The following IQCH variants were observed in gnomAD, a reference collection of about 807,000 sequenced individuals.
IQCH encodes the protein IQ motif containing H, also known as IQ domain-containing protein H.
In IQCH, 98 loss-of-function variants were observed where a neutral mutation model predicts 117.0. The observed-to-expected ratio is 0.84, with a 90% CI of 0.71 to 0.99. The LOEUF (loss-of-function observed/expected upper bound fraction) is 0.99, where lower values mean the gene tolerates loss of function less well. Among genes scored for constraint, IQCH ranks in the 50% least tolerant of loss-of-function variants. The pLI is 0.00. For missense variants in IQCH, 1,102 were observed against 1,243.8 expected (o/e 0.89, Z 1.72); for synonymous variants, 412 against 448.2 (o/e 0.92, Z 1.02).
intron 18 of IQCH, among the ~76,000 whole-genome samples, chr15:67,478,663 T>A (rs553574555): frequency 6.6e-6 from 1 of 152,050 alleles, no homozygotes; most frequent in South Asian, 2.1e-4. Context: ...CGGTGGCTCA[T>A]GCCTGTAATC....
At chr15:67,321,149 T>G (rs889897313) in intron 4 of IQCH, among the ~76,000 whole-genome samples, 1 of 152,144 alleles carries the variant, frequency 6.6e-6, no homozygotes, top group African/African-American at 2.4e-5. Context: ...TAAGTTACTG[T>G]TTTTTGTGGG....
In IQCH at chr15:67,391,735, A is replaced by T. The variant is rs2140846457; in HGVS notation, c.1632+2729A>T. Reference sequence around the variant, plus strand: ...GGTCATACAAGACCTGTGATTAGTGATACATCCTTTGCCATCACTTATTCA... The same window carrying T: ...GGTCATACAAGACCTGTGATTAGTGTTACATCCTTTGCCATCACTTATTCA... On this transcript the variant is annotated intron_variant, in intron 12 of 20. Coordinates refer to ENST00000335894, the MANE Select transcript of IQCH (RefSeq NM_001031715.3). This position sits in a 1 kb window ranked among gnomAD's most constrained non-coding sequence, Gnocchi z 4.3. 6.6e-6 allele frequency among the ~76,000 whole-genome samples: 1 copy of T among 152,346 alleles called. No individual in the cohort carries two copies.
At chr15:67,277,065 G>C (rs1442542355) in intron 3 of IQCH, among the ~76,000 whole-genome samples, 1 of 152,008 alleles carries the variant, frequency 6.6e-6, no homozygotes, top group Non-Finnish European at 1.5e-5. Flanking sequence ...CACTGATTTT[G>C]TTTCATTGGC....
chr15:67,449,703 T>A (rs1257714150), intron 16 of IQCH, among the ~76,000 whole-genome samples: 1 of 152,210 alleles, frequency 6.6e-6, no homozygotes, highest in East Asian at 1.9e-4. Context: ...GACTTGGCCA[T>A]GTGGGCTCTT....
intron 8 of IQCH, among the ~76,000 whole-genome samples, chr15:67,367,676 G>T (rs1291808263): frequency 1.3e-5 from 2 of 152,182 alleles, no homozygotes; most frequent in East Asian, 3.9e-4. Flanking sequence ...CATATGGAGA[G>T]TTCTAGACAG....
chr15:67,325,317 T>C (rs1247036371), intron 4 of IQCH, among the ~76,000 whole-genome samples: 1 of 152,170 alleles, frequency 6.6e-6, no homozygotes, highest in East Asian at 1.9e-4. Flanking sequence ...TTTAGTATTA[T>C]TATTTTTTAA....
intron 7 of IQCH, among the ~76,000 whole-genome samples, chr15:67,358,929 C>CA (rs1381469581): frequency 1.3e-5 from 2 of 152,226 alleles, no homozygotes; most frequent in Non-Finnish European, 2.9e-5. Context: ...TGTCATGTGA[C>CA]ACCCCAGTTG....
At chr15:67,398,753 A>C (rs1971546923) in intron 13 of IQCH, among the ~76,000 whole-genome samples, 1 of 152,164 alleles carries the variant, frequency 6.6e-6, no homozygotes, top group South Asian at 2.1e-4. Context: ...ATTGTGGGCA[A>C]AGAGATCTGA....
chr15:67,298,404 A>G (rs1000155936), intron 4 of IQCH, among the ~76,000 whole-genome samples: 6 of 152,186 alleles, frequency 3.9e-5, no homozygotes, highest in Admixed American at 3.9e-4. Flanking sequence ...AGAAAGGCAA[A>G]TCAAAACTAC....
In IQCH at chr15:67,447,582, G is replaced by A. The variant is rs1242912593; in HGVS notation, c.2506-17545G>A. Among the ~76,000 whole-genome samples the A allele has an allele frequency of 6.6e-6, 1 of 152,162 alleles. No homozygotes were observed. The highest frequency in any genetic ancestry group is 2.4e-5 in the African/African-American group (1 of 41,434). On this transcript the variant is annotated intron_variant, in intron 16 of 20. Coordinates refer to ENST00000335894, the MANE Select transcript of IQCH (RefSeq NM_001031715.3). This position sits in a 1 kb window ranked among gnomAD's most constrained non-coding sequence, Gnocchi z 5.3. ...GGGTTGAGGGAGTGTCCCCGTGGAG[G>A]GCATAGAGCTTGCAGGGAGCCCCAC...
At position 67,424,094 on chromosome 15, in the gene IQCH, C is replaced by A. The variant is rs913626448; in HGVS notation, c.2505+2517C>A. Among the ~76,000 whole-genome samples the A allele has an allele frequency of 3.3e-5, 5 of 152,158 alleles. No homozygotes were observed. Among genetic ancestry groups the A allele is most frequent in the Non-Finnish European group, 7.4e-5 (5 of 68,022 alleles). On this transcript the variant is annotated intron_variant, in intron 16 of 20. Coordinates refer to ENST00000335894, the MANE Select transcript of IQCH (RefSeq NM_001031715.3). This position sits in a 1 kb window ranked among gnomAD's most constrained non-coding sequence, Gnocchi z 4.9. ...TGGGCTTCTGGCTGAAAGGTCCCAC[C>A]CTTCACTTGGCTGGTTCCATGTACC... is the stretch of plus-strand genomic sequence containing the variant.
intron 4 of IQCH, among the ~76,000 whole-genome samples, chr15:67,293,193 A>G (rs1472538815): frequency 4.6e-5 from 7 of 152,186 alleles, no homozygotes; most frequent in Non-Finnish European, 1.0e-4. Context: ...GTACTAATCA[A>G]CCTCTATTAT....
chr15:67,451,068 T>C (rs1440231662), intron 16 of IQCH, among the ~76,000 whole-genome samples: 1 of 152,208 alleles, frequency 6.6e-6, no homozygotes. Context: ...TCGGTGGTGA[T>C]ATCCCCTTTA....
intron 16 of IQCH, among the ~76,000 whole-genome samples, chr15:67,438,100 G>T (rs1259652356): frequency 2.6e-5 from 4 of 152,144 alleles, no homozygotes; most frequent in Non-Finnish European, 5.9e-5. Context: ...TTGTCATCAG[G>T]TTATCCAAAT....
At chr15:67,414,095 G>A (rs1194291468) in intron 14 of IQCH, among the ~76,000 whole-genome samples, 1 of 152,172 alleles carries the variant, frequency 6.6e-6, no homozygotes, top group Non-Finnish European at 1.5e-5. Flanking sequence ...CATAAAGTCC[G>A]CCCAGGAAGA....
At chr15:67,301,075 T>C (rs1967003497) in intron 4 of IQCH, among the ~76,000 whole-genome samples, 1 of 152,174 alleles carries the variant, frequency 6.6e-6, no homozygotes. Flanking sequence ...GTTTAGATTG[T>C]CTAGTGACTC....
intron 18 of IQCH, among the ~76,000 whole-genome samples, chr15:67,478,457 A>C (rs1331226918): frequency 6.6e-6 from 1 of 152,130 alleles, no homozygotes; most frequent in East Asian, 1.9e-4. Context: ...CCTCCAGGCC[A>C]TCCATGCACA....
intron 1 of IQCH, among the ~76,000 whole-genome samples, chr15:67,258,816 T>C (rs547941439): frequency 6.6e-6 from 1 of 152,294 alleles, no homozygotes; most frequent in East Asian, 1.9e-4. Context: ...ATGGATGATA[T>C]GTAAAATTTC....
At chr15:67,329,462 G>A (rs1215273724) in intron 4 of IQCH, among the ~76,000 whole-genome samples, 3 of 151,936 alleles carry the variant, frequency 2.0e-5, no homozygotes, top group African/African-American at 7.3e-5. Flanking sequence ...TGTAAAATAG[G>A]ATTTTATAAA....
Sources: allele counts gnomAD v4.1 joint callset (sites outside exome capture counted in the v4.1 genomes callset), GRCh38; gene constraint gnomAD v4.1.1; non-coding constraint Gnocchi (gnomAD v3.1); transcripts MANE v1.5; gene names NCBI Gene and HGNC (gene_info 2026-07-23, HGNC 2026-07-21).